The following CPQ variants were observed in gnomAD, a reference collection of about 807,000 sequenced individuals.
CPQ encodes the protein carboxypeptidase Q.
Under a neutral mutation model 45.7 loss-of-function variants are expected in CPQ, and 37 were observed. The observed-to-expected ratio is 0.81, with a 90% CI of 0.62 to 1.07. The LOEUF is 1.07. CPQ is among the 50% of genes least tolerant of loss of function. The pLI, the probability that CPQ is intolerant of heterozygous loss-of-function variation, is 0.00. For synonymous variants in CPQ, 186 were observed against 205.8 expected (o/e 0.90, Z 0.82); for missense variants, 537 against 572.9 (o/e 0.94, Z 0.64).
At chr8:96,936,271 TGAATG>T (rs1813048614) in intron 4 of CPQ, among the ~76,000 whole-genome samples, 1 of 152,198 alleles carries the variant, frequency 6.6e-6, no homozygotes, top group African/African-American at 2.4e-5. Context: ...ATTTCTGGAC[TGAATG>T]GAATGGAAGT....
At chr8:96,793,847 G>A (rs544138769) in intron 2 of CPQ, among the ~76,000 whole-genome samples, 3 of 152,320 alleles carry the variant, frequency 2.0e-5, no homozygotes, top group African/African-American at 7.2e-5. Context: ...TCCCATGCAA[G>A]TCCAAAATCC....
chr8:97,086,215 T>C (rs1811038275), intron 7 of CPQ, among the ~76,000 whole-genome samples: 1 of 152,186 alleles, frequency 6.6e-6, no homozygotes. Flanking sequence ...AATTTACCTG[T>C]AATAAAATTT....
chr8:96,986,653 G>A (rs1808988835), intron 5 of CPQ, among the ~76,000 whole-genome samples: 2 of 152,160 alleles, frequency 1.3e-5, no homozygotes, highest in South Asian at 4.1e-4. Context: ...GGGGGCCTGG[G>A]GAAACAGTGG....
At position 96,728,958 on chromosome 8, in the gene CPQ, A is replaced by G. The variant is rs151184792; in HGVS notation, c.-34-55906A>G. ...TCCTTCATCATCAAGAGGAAAAAAA[A>G]CAAACAAACCTCAAAGCCCATGTCC... On this transcript the variant is annotated intron_variant, in intron 1 of 7. Transcript: ENST00000220763. Among the ~76,000 whole-genome samples, 282 of 152,262 alleles carry G rather than the reference A, an allele frequency of 1.9e-3. 2 individuals carry two copies. Among genetic ancestry groups the G allele is most frequent in the African/African-American group, 6.3e-3 (263 of 41,554 alleles).
chr8:96,790,500 A>G (rs1165812862), intron 2 of CPQ, among the ~76,000 whole-genome samples: 1 of 152,164 alleles, frequency 6.6e-6, no homozygotes, highest in East Asian at 1.9e-4. Context: ...GCTTGACTAG[A>G]ACAGAGGTTC....
At chr8:96,933,562 TA>T (rs1187089242) in intron 4 of CPQ, among the ~76,000 whole-genome samples, 1 of 152,100 alleles carries the variant, frequency 6.6e-6, no homozygotes, top group Non-Finnish European at 1.5e-5. Flanking sequence ...AGGCACTAAA[TA>T]AATGCTAAAA....
chr8:96,767,933 C>T (rs1810490690), intron 1 of CPQ, among the ~76,000 whole-genome samples: 1 of 152,028 alleles, frequency 6.6e-6, no homozygotes, highest in South Asian at 2.1e-4. Flanking sequence ...TGTGAGCCAC[C>T]GTGCCCGGCC....
At chr8:96,845,016 T>C (rs1223468523) in intron 3 of CPQ, among the ~76,000 whole-genome samples, 1 of 152,242 alleles carries the variant, frequency 6.6e-6, no homozygotes, top group Non-Finnish European at 1.5e-5. Flanking sequence ...ATACCCAAGA[T>C]ATTTTCCACC....
intron 2 of CPQ, among the ~76,000 whole-genome samples, chr8:96,790,915 G>C (rs1024388892): frequency 2.6e-5 from 4 of 152,232 alleles, no homozygotes; most frequent in Admixed American, 2.0e-4. Flanking sequence ...AGCCAGTTTT[G>C]ATCTCTCTAA....
intron 4 of CPQ, among the ~76,000 whole-genome samples, chr8:96,881,167 T>A (rs140583129): frequency 1.3e-4 from 20 of 152,326 alleles, no homozygotes; most frequent in African/African-American, 4.6e-4. Flanking sequence ...TCTGTATTAG[T>A]CCATTCTCAC....
chr8:96,865,086 C>CAAT (rs542993089), intron 3 of CPQ, among the ~76,000 whole-genome samples: 3 of 151,822 alleles, frequency 2.0e-5, no homozygotes, highest in East Asian at 1.9e-4. Flanking sequence ...ACATTTATAA[C>CAAT]AATAATAATA....
chr8:96,828,221 T>G (rs904278757), intron 2 of CPQ, among the ~76,000 whole-genome samples: 2 of 152,044 alleles, frequency 1.3e-5, no homozygotes, highest in South Asian at 4.1e-4. Flanking sequence ...CTATACCTTT[T>G]CTGACTTCCT....
chr8:96,660,264 T>C (rs1466158262), intron 1 of CPQ, among the ~76,000 whole-genome samples: 1 of 152,142 alleles, frequency 6.6e-6, no homozygotes, highest in African/African-American at 2.4e-5. Context: ...CTCGAGGTAC[T>C]TACATAGTCT....
rs113039592 is a variant in CPQ, at chr8:96,851,423, G to A, written c.641+16243G>A. Among the ~76,000 whole-genome samples, 337 of 152,234 alleles carry A rather than the reference G, an allele frequency of 2.2e-3. 1 individual carries two copies. Among genetic ancestry groups the A allele is most frequent in the African/African-American group, 7.1e-3 (293 of 41,554 alleles). The stretch of plus-strand genomic sequence containing the variant: ...ATAGATCTTTATTTCTCACAGTTCT[G>A]GATCCTGGGAGGTCAAAAAACAAGG... On this transcript the variant is annotated intron_variant, in intron 3 of 7. Coordinates refer to ENST00000220763, the MANE Select transcript of CPQ (RefSeq NM_016134.4).
At chr8:96,787,995 C>G (rs1223988960) in intron 2 of CPQ, among the ~76,000 whole-genome samples, 1 of 151,854 alleles carries the variant, frequency 6.6e-6, no homozygotes, top group African/African-American at 2.4e-5. Flanking sequence ...CTTTGCTTAA[C>G]CTTCAGTTTT....
chr8:96,929,011 A>G (rs1360128813), intron 4 of CPQ, among the ~76,000 whole-genome samples: 1 of 152,164 alleles, frequency 6.6e-6, no homozygotes, highest in African/African-American at 2.4e-5. Context: ...TTTATTCCCA[A>G]TGAGAGGATC....
At chr8:96,811,923 A>C (rs986937095) in intron 2 of CPQ, among the ~76,000 whole-genome samples, 2 of 152,174 alleles carry the variant, frequency 1.3e-5, no homozygotes, top group African/African-American at 4.8e-5. Context: ...AGAAAGAGGA[A>C]CTGAAATATA....
chr8:96,652,554 G>C (rs1386305517), intron 1 of CPQ, among the ~76,000 whole-genome samples: 1 of 152,128 alleles, frequency 6.6e-6, no homozygotes, highest in East Asian at 1.9e-4. Flanking sequence ...CCTCCATGAA[G>C]TTTTCTGTAA....
intron 5 of CPQ, among the ~76,000 whole-genome samples, chr8:97,024,197 C>T (rs1290356930): frequency 6.6e-6 from 1 of 152,124 alleles, no homozygotes; most frequent in Non-Finnish European, 1.5e-5. Context: ...AGGACCTTCC[C>T]TGCTCCGGGA....
Sources: allele counts gnomAD v4.1 joint callset (sites outside exome capture counted in the v4.1 genomes callset), GRCh38; gene constraint gnomAD v4.1.1; transcripts MANE v1.5; gene names NCBI Gene and HGNC (gene_info 2026-07-23, HGNC 2026-07-21).